The following CELF2 variants were observed in gnomAD, a reference collection of about 807,000 sequenced individuals.
CELF2 encodes CUG triplet repeat RNA-binding protein 2.
Under a neutral mutation model 62.6 loss-of-function variants are expected in CELF2, and 8 were observed. The ratio of observed to expected loss-of-function variants is 0.13; its 90% CI spans 0.07 to 0.23. The LOEUF is 0.23. Among genes scored for constraint, CELF2 ranks in the 10% least tolerant of loss-of-function variants. CELF2 has a pLI of 1.00. For missense variants in CELF2, 333 were observed against 671.0 expected (o/e 0.50, Z 5.56); for synonymous variants, 258 against 250.0 (o/e 1.03, Z -0.30).
At position 11,321,027 on chromosome 10, in the gene CELF2, T is replaced by C. The variant is rs1052976070; in HGVS notation, c.1097-162T>C. ...GGTCATTTTCCCCCATTATCACGATTTATTTCTTCATGGTTTCATTTTTAG... is the reference window on the plus strand; with the variant it reads ...GGTCATTTTCCCCCATTATCACGATCTATTTCTTCATGGTTTCATTTTTAG... On this transcript the variant is annotated intron_variant, in intron 10 of 12. Coordinates refer to ENST00000633077, the MANE Select transcript of CELF2 (RefSeq NM_001326342.2). The surrounding 1 kb of genome is among the most constrained non-coding windows in gnomAD (Gnocchi z 6.2). The C allele has an allele frequency of 3.8e-6, 5 of 1,325,390 alleles. No homozygotes were observed. In the African/African-American group the frequency reaches 7.4e-5, roughly 20 times the overall value. The allele number at this position is 1,325,390 out of a possible 1,614,324, so 82.1% of individuals were successfully genotyped here. A position where few individuals can be genotyped will look rare whatever the true frequency, so the allele number is the denominator to read the frequency against.
chr10:10,975,624 G>T (rs529261003), intron 2 of CELF2, among the ~76,000 whole-genome samples: 1 of 152,310 alleles, frequency 6.6e-6, no homozygotes, highest in South Asian at 2.1e-4. Context: ...ACTTGTAGGT[G>T]GTTGATTAAG....
At chr10:10,752,988 CAG>C in the CELF2 span, among the ~76,000 whole-genome samples, 1 of 152,218 alleles carries the variant, frequency 6.6e-6, no homozygotes, top group Middle Eastern at 3.4e-3. Flanking sequence ...TACTTAAAGA[CAG>C]TGTTTTCCAA....
chr10:11,170,205 C>A (rs2133577489), intron 2 of CELF2, among the ~76,000 whole-genome samples: 1 of 152,182 alleles, frequency 6.6e-6, no homozygotes, highest in East Asian at 1.9e-4. Flanking sequence ...GACTCTGCCT[C>A]AGGTCTGTGA....
In CELF2 at chr10:11,328,310, G is replaced by C. The variant is rs186929669; in HGVS notation, c.1439-616G>C. Among the ~76,000 whole-genome samples the C allele has an allele frequency of 2.0e-5, 3 of 152,294 alleles. No individual in the cohort carries two copies. In the East Asian group the frequency reaches 5.8e-4, roughly 29 times the overall value. ...GTCTCCTTGGTATTAACTCCAAATG[G>C]GTAAAAATCAAGTATGAGTGAGTTA... On this transcript the variant is annotated intron_variant, in intron 12 of 12. Transcript: ENST00000633077. The surrounding 1 kb of genome is among the most constrained non-coding windows in gnomAD (Gnocchi z 6.4).
chr10:10,925,651 C>A (rs535556787), intron 2 of CELF2, among the ~76,000 whole-genome samples: 48 of 152,238 alleles, frequency 3.2e-4, no homozygotes, highest in Middle Eastern at 6.8e-3. Flanking sequence ...GTAAGGACAT[C>A]ATCCCGAACC....
chr10:11,096,523 A>G (rs1053687388), intron 1 of CELF2: 2 of 152,242 alleles, frequency 1.3e-5, no homozygotes, highest in Admixed American at 6.5e-5. Context: ...AAAATGGAAA[A>G]TAAAAGCAGT....
At chr10:11,118,026 A>T (rs2056933291) in intron 1 of CELF2, among the ~76,000 whole-genome samples, 1 of 152,156 alleles carries the variant, frequency 6.6e-6, no homozygotes, top group Admixed American at 6.5e-5. Flanking sequence ...GGTAATCAGA[A>T]GCATTTAATT....
At chr10:10,472,209 G>A in the CELF2 span, among the ~76,000 whole-genome samples, 151,556 of 151,862 alleles carry the variant, frequency 1, 75,626 homozygotes, top group Non-Finnish European at 1. Context: ...TGGGAATTGC[G>A]GTTGCATATT....
intron 3 of CELF2, among the ~76,000 whole-genome samples, chr10:11,248,616 C>A (rs1168730718): frequency 6.6e-6 from 1 of 152,188 alleles, no homozygotes; most frequent in Non-Finnish European, 1.5e-5. Flanking sequence ...CCAGAAAAGT[C>A]TGCATGATTT....
rs2062986907 is a variant in CELF2 at position 10,902,221 on chromosome 10, CTGTTCCACTCCTAGA to C, written c.54-17738_54-17724del. ...AATACACATCTACCATTTGATACAG[CTGTTCCACTCCTAGA>C]TGTTTACTCAAGAGCAAGGAAATCA... On this transcript the variant is annotated intron_variant, in intron 1 of 13. Transcript: ENST00000636488. Among the ~76,000 whole-genome samples, 4 of 152,220 alleles carry C rather than the reference CTGTTCCACTCCTAGA, an allele frequency of 2.6e-5. No individual in the cohort carries two copies. The South Asian group carries it at 8.3e-4, about 31-fold the overall frequency.
rs1488426480 is a variant in CELF2 at position 11,247,242 on chromosome 10, T to A, written c.355-1911T>A. 6.6e-6 allele frequency among the ~76,000 whole-genome samples: 1 copy of A among 152,238 alleles called. No homozygotes were observed. Among genetic ancestry groups the A allele is most frequent in the Non-Finnish European group, 1.5e-5 (1 of 68,042 alleles). On this transcript the variant is annotated intron_variant, in intron 3 of 12. Coordinates refer to ENST00000633077, the MANE Select transcript of CELF2 (RefSeq NM_001326342.2). This position sits in a 1 kb window ranked among gnomAD's most constrained non-coding sequence, Gnocchi z 5.4. Reference sequence around the variant, plus strand: ...CAGACAAAATTTCAGTTCCTTAGCTTGCAAGACCCTCTGAGAGCTGGGTGT... The same window carrying A: ...CAGACAAAATTTCAGTTCCTTAGCTAGCAAGACCCTCTGAGAGCTGGGTGT...
In CELF2 at chr10:11,285,397, C is replaced by A. The variant is rs947944364; in HGVS notation, c.842-3021C>A. 6.6e-6 allele frequency among the ~76,000 whole-genome samples: 1 copy of A among 152,148 alleles called. No homozygotes were observed. The highest frequency in any genetic ancestry group is 1.5e-5 in the Non-Finnish European group (1 of 68,008). On this transcript the variant is annotated intron_variant, in intron 8 of 12. Transcript: ENST00000633077. This position sits in a 1 kb window ranked among gnomAD's most constrained non-coding sequence, Gnocchi z 4.3. The stretch of plus-strand genomic sequence containing the variant: ...GACTCAGCCACTCCCCCTGGACTTT[C>A]CAGGCGGCAGCAGGGAAAGGCTTAG...
intron 8 of CELF2, among the ~76,000 whole-genome samples, chr10:11,283,971 A>G (rs71487573): frequency 7.3e-5 from 10 of 137,024 alleles, no homozygotes; most frequent in East Asian, 2.3e-4. Context: ...TGGTGGGTGG[A>G]TGACGGATGA....
At chr10:10,579,746 GA>G in the CELF2 span, among the ~76,000 whole-genome samples, 5 of 151,938 alleles carry the variant, frequency 3.3e-5, no homozygotes, top group East Asian at 9.6e-4. Context: ...TCTCCTCTAG[GA>G]AATATTAACT....
the CELF2 span, among the ~76,000 whole-genome samples, chr10:10,646,485 C>A: frequency 6.6e-6 from 1 of 152,224 alleles, no homozygotes; most frequent in Non-Finnish European, 1.5e-5. Flanking sequence ...TTTGCCCCCT[C>A]ACTGCTTAAC....
At chr10:10,690,029 T>C in the CELF2 span, among the ~76,000 whole-genome samples, 1 of 152,218 alleles carries the variant, frequency 6.6e-6, no homozygotes, top group Non-Finnish European at 1.5e-5. Context: ...TGACCATCTC[T>C]GTGGAACATA....
intron 1 of CELF2, among the ~76,000 whole-genome samples, chr10:11,150,139 A>G (rs1056733984): frequency 1.3e-5 from 2 of 152,230 alleles, no homozygotes; most frequent in Admixed American, 6.5e-5. Flanking sequence ...TTACTAACAT[A>G]AGACACAAGT....
chr10:10,961,242 C>G (rs1021425622), intron 2 of CELF2, among the ~76,000 whole-genome samples: 2 of 151,908 alleles, frequency 1.3e-5, no homozygotes, highest in African/African-American at 4.8e-5. Context: ...TAAAGGAGAC[C>G]CAAAGGAAAG....
the CELF2 span, among the ~76,000 whole-genome samples, chr10:10,480,209 G>A: frequency 6.6e-5 from 10 of 152,236 alleles, no homozygotes; most frequent in African/African-American, 4.8e-5. Flanking sequence ...AGTAAAGAGC[G>A]TTTCTGTGAA....
Sources: allele counts gnomAD v4.1 joint callset (sites outside exome capture counted in the v4.1 genomes callset), GRCh38; gene constraint gnomAD v4.1.1; non-coding constraint Gnocchi (gnomAD v3.1); transcripts MANE v1.5; gene names NCBI Gene and HGNC (gene_info 2026-07-23, HGNC 2026-07-21).